The following TBC1D32 variants were observed in gnomAD, a reference collection of about 807,000 sequenced individuals.
TBC1D32 encodes TBC1 domain family member 32.
In TBC1D32, 151 loss-of-function variants were observed where a neutral mutation model predicts 170.3. That is an observed-to-expected ratio of 0.89 (90% CI 0.78 to 1.01). TBC1D32 has a LOEUF of 1.01. Among genes scored for constraint, TBC1D32 ranks in the 50% least tolerant of loss-of-function variants. TBC1D32 has a pLI of 0.00. For synonymous variants in TBC1D32, 498 were observed against 488.0 expected, an observed-to-expected ratio of 1.02 and a Z score of -0.27; for missense variants, 1,464 against 1,457.1, an observed-to-expected ratio of 1.00 and a Z score of -0.08.
intron 22 of TBC1D32, among the ~76,000 whole-genome samples, chr6:121,179,459 T>A (rs938934031): frequency 2.6e-5 from 4 of 151,278 alleles, no homozygotes; most frequent in Non-Finnish European, 5.9e-5. Context: ...GCAAAAAATA[T>A]AACAGATGAT....
intron 15 of TBC1D32, among the ~76,000 whole-genome samples, chr6:121,277,346 G>A (rs1181023820): frequency 6.6e-6 from 1 of 151,816 alleles, no homozygotes; most frequent in Non-Finnish European, 1.5e-5. Flanking sequence ...AAATTAGCCA[G>A]GCATGGTGGC....
intron 15 of TBC1D32, among the ~76,000 whole-genome samples, chr6:121,260,093 A>G (rs1320830093): frequency 1.3e-5 from 2 of 152,156 alleles, no homozygotes; most frequent in African/African-American, 4.8e-5. Flanking sequence ...GAGAAACCAA[A>G]TATACTGACA....
At chr6:121,125,841 T>G (rs1780776214) in intron 26 of TBC1D32, among the ~76,000 whole-genome samples, 2 of 152,172 alleles carry the variant, frequency 1.3e-5, no homozygotes, top group African/African-American at 2.4e-5. Context: ...GGGCTGAGAC[T>G]GGGCCCTCTG....
intron 5 of TBC1D32, among the ~76,000 whole-genome samples, chr6:121,307,643 T>G (rs1486328214): frequency 6.6e-6 from 1 of 152,140 alleles, no homozygotes; most frequent in East Asian, 1.9e-4. Context: ...GCGGATCACC[T>G]GAGGTCAGGA....
At chr6:121,192,029 T>C (rs2128287735) in intron 22 of TBC1D32, among the ~76,000 whole-genome samples, 1 of 140,326 alleles carries the variant, frequency 7.1e-6, no homozygotes, top group East Asian at 2.2e-4. Context: ...ATTGTGGGAC[T>C]TGTGATCATG....
In TBC1D32 at chr6:121,112,658, G is replaced by A; in HGVS notation, c.3171C>T (p.Leu1057=). ...GGCCAGCATAATTCCCTTGCAGGCA[G>A]ACTGAAAAACACAGTTAAGAAAACT... ...QQQTSIKSSL[L]CLQGNYAGHD... Residue 1057 remains leucine (L), a splice_region_variant and synonymous_variant, in exon 29 of 32, where the codon CTC becomes CTT. Coordinates refer to ENST00000398212, the MANE Select transcript of TBC1D32 (RefSeq NM_152730.6). 1 of 1,560,788 alleles carries A rather than the reference G, an allele frequency of 6.4e-7. No homozygotes were observed. Among genetic ancestry groups the A allele is most frequent in the Middle Eastern group, 1.7e-4 (1 of 5,900 alleles).
intron 18 of TBC1D32, among the ~76,000 whole-genome samples, 170 bp downstream of exon 18, chr6:121,242,030 AT>A (rs1211702331): frequency 1.3e-5 from 2 of 152,150 alleles, no homozygotes; most frequent in East Asian, 3.8e-4. Flanking sequence ...AGACACTAAT[AT>A]CAACTCTCTA....
chr6:121,101,142 G>T (rs537956380), intron 30 of TBC1D32, among the ~76,000 whole-genome samples: 3 of 152,086 alleles, frequency 2.0e-5, no homozygotes, highest in Non-Finnish European at 2.9e-5. Flanking sequence ...ATTCACAGCC[G>T]AATTCTACCA....
Position 121,303,745 on chromosome 6 carries a change from C to A in TBC1D32, c.952G>T (p.Val318Leu). The change falls in exon 9 of 32, where the codon GTG becomes TTG. Residue 318 changes from valine to leucine, a missense_variant. Coordinates refer to ENST00000398212, the MANE Select transcript of TBC1D32 (RefSeq NM_152730.6). ...GTTAACAAGGACAAAGTACTCTCCA[C>A]AATTTCTTCCATATACCTTAAAGTT... ...RHPEKYMEEI[V>L]ESTLSLLTVK... 1 of 1,544,864 alleles carries A rather than the reference C, an allele frequency of 6.5e-7. No individual in the cohort carries two copies. The highest frequency in any genetic ancestry group is 8.8e-7 in the Non-Finnish European group (1 of 1,136,014).
Position 121,134,143 on chromosome 6 carries a change from T to C in TBC1D32, c.2774-2391A>G, listed in dbSNP as rs1320196291. On this transcript the variant is annotated intron_variant, in intron 24 of 31. Transcript: ENST00000398212. ...ATATCTACAGTCTAATAAGAAACAC[T>C]AGTGACACATGATTGCAAAGATAAT... is the stretch of plus-strand genomic sequence containing the variant. Among the ~76,000 whole-genome samples the C allele has an allele frequency of 2.6e-5, 4 of 152,232 alleles. No homozygotes were observed. The East Asian group carries it at 7.7e-4, about 29-fold the overall frequency.
intron 26 of TBC1D32, among the ~76,000 whole-genome samples, chr6:121,116,414 G>A (rs1320360874): frequency 1.3e-5 from 2 of 152,098 alleles, no homozygotes; most frequent in African/African-American, 4.8e-5. Flanking sequence ...ATATGAAATA[G>A]GAATGATACA....
chr6:121,118,041 T>C (rs1219250564), intron 26 of TBC1D32, among the ~76,000 whole-genome samples: 1 of 152,124 alleles, frequency 6.6e-6, no homozygotes, highest in East Asian at 1.9e-4. Context: ...AATTAATTGA[T>C]CTAGGAAAAA....
chr6:121,087,902 A>G (rs776967474), intron 31 of TBC1D32, among the ~76,000 whole-genome samples: 1 of 151,882 alleles, frequency 6.6e-6, no homozygotes, highest in Non-Finnish European at 1.5e-5. Flanking sequence ...TGATTAAATA[A>G]TCTATACAAG....
intron 31 of TBC1D32, among the ~76,000 whole-genome samples, chr6:121,086,514 T>A (rs1312692510): frequency 1.3e-5 from 2 of 152,282 alleles, no homozygotes; most frequent in Middle Eastern, 3.4e-3. Context: ...TCTCTGGTAA[T>A]AGCAGCTGCA....
intron 17 of TBC1D32, among the ~76,000 whole-genome samples, chr6:121,250,271 G>A (rs892300787): frequency 6.6e-6 from 1 of 152,074 alleles, no homozygotes; most frequent in Admixed American, 6.6e-5. Flanking sequence ...AAACCTGGCA[G>A]AGACACAATA....
chr6:121,285,584 G>C (rs137936909), intron 12 of TBC1D32, among the ~76,000 whole-genome samples: 3,177 of 152,254 alleles, frequency 0.021, 54 homozygotes, highest in Non-Finnish European at 0.03. Flanking sequence ...CTCCCAGCGT[G>C]AGCGACGCAG....
At chr6:121,187,535 G>T (rs1426062318) in intron 22 of TBC1D32, among the ~76,000 whole-genome samples, 1 of 151,994 alleles carries the variant, frequency 6.6e-6, no homozygotes, top group African/African-American at 2.4e-5. Flanking sequence ...TGGTTTTTCA[G>T]CTCCTGAAAT....
chr6:121,322,363 T>G (rs752595074), intron 1 of TBC1D32, among the ~76,000 whole-genome samples: 9 of 152,168 alleles, frequency 5.9e-5, no homozygotes, highest in East Asian at 1.9e-4. Context: ...CAATTTATCC[T>G]ACCAGATCTA....
intron 13 of TBC1D32, 64 bp from the exon 14 acceptor site, chr6:121,281,750 C>T: frequency 7.6e-7 from 1 of 1,321,086 alleles, no homozygotes; most frequent in Non-Finnish European, 1.0e-6. Flanking sequence ...TTTATGTTAG[C>T]TGTTGTTGTT....
Sources: allele counts gnomAD v4.1 joint callset (sites outside exome capture counted in the v4.1 genomes callset), GRCh38; gene constraint gnomAD v4.1.1; transcripts MANE v1.5; gene names NCBI Gene and HGNC (gene_info 2026-07-23, HGNC 2026-07-21).